DNAAF9: variants seen among roughly 807,000 people sequenced by gnomAD.
DNAAF9 encodes shulin.
Under a neutral mutation model 167.0 loss-of-function variants are expected in DNAAF9, and 90 were observed. The observed-to-expected ratio is 0.54, with a 90% CI of 0.45 to 0.64. DNAAF9 has a LOEUF of 0.64. DNAAF9 is among the 30% of genes least tolerant of loss of function. DNAAF9 has a pLI of 0.00. For synonymous variants in DNAAF9, 491 were observed against 508.8 expected, an observed-to-expected ratio of 0.96 and a Z score of 0.47; for missense variants, 1,315 against 1,442.2, an observed-to-expected ratio of 0.91 and a Z score of 1.43.
intron 14 of DNAAF9, 24 bp downstream of exon 14, chr20:3,324,868 T>TA (rs1349711879): frequency 2.3e-6 from 3 of 1,278,176 alleles, no homozygotes; most frequent in African/African-American, 1.5e-5. Flanking sequence ...AAATTCCTTA[T>TA]AAAAAATATC....
intron 27 of DNAAF9, among the ~76,000 whole-genome samples, chr20:3,285,428 C>T (rs2068834125): frequency 6.6e-6 from 1 of 152,106 alleles, no homozygotes; most frequent in Non-Finnish European, 1.5e-5. Context: ...CCTGTAATCC[C>T]AGCACTCTGG....
At chr20:3,306,807 A>C in intron 20 of DNAAF9, 5 of 593,348 alleles carry the variant, frequency 8.4e-6, no homozygotes, top group Non-Finnish European at 1.1e-5. Flanking sequence ...ATCAGCCCAC[A>C]GAGCTCATCC....
intron 30 of DNAAF9, among the ~76,000 whole-genome samples, chr20:3,270,179 C>G (rs1174099002): frequency 5.0e-5 from 7 of 140,028 alleles, no homozygotes; most frequent in Non-Finnish European, 1.1e-4. Flanking sequence ...CTTGCTCTGT[C>G]TCTCAGGCTG....
intron 25 of DNAAF9, among the ~76,000 whole-genome samples, chr20:3,291,045 T>A (rs2068942732): frequency 6.6e-6 from 1 of 152,054 alleles, no homozygotes; most frequent in South Asian, 2.1e-4. Flanking sequence ...CGCCTTGGCC[T>A]CCCAAAGTGC....
Position 3,362,737 on chromosome 20 carries a change from C to T in DNAAF9, c.613-3144G>A, listed in dbSNP as rs1002260417. ...GGGGAAGGAGAAGACAAATTCACCC[C>T]GACTGAGAACCACTGACTTAAACAT... On this transcript the variant is annotated intron_variant, in intron 6 of 36. Coordinates refer to ENST00000252032, the MANE Select transcript of DNAAF9 (RefSeq NM_001009984.3). Among the ~76,000 whole-genome samples, 5 of 152,278 alleles carry T rather than the reference C, an allele frequency of 3.3e-5. No homozygotes were observed. In the East Asian group the frequency reaches 5.8e-4, roughly 18 times the overall value.
At chr20:3,386,570 T>G (rs957362969) in intron 1 of DNAAF9, among the ~76,000 whole-genome samples, 1 of 152,146 alleles carries the variant, frequency 6.6e-6, no homozygotes, top group Non-Finnish European at 1.5e-5. Context: ...GTTCTTACAC[T>G]TGACACCAAA....
chr20:3,329,939 T>C (rs962924040), intron 12 of DNAAF9, among the ~76,000 whole-genome samples: 1 of 152,246 alleles, frequency 6.6e-6, no homozygotes, highest in African/African-American at 2.4e-5. Context: ...CCTCTCACTA[T>C]GTTCCATAGG....
chr20:3,328,192 T>TTTGTTTTGTTTTGTTTTG (rs1262154783), intron 12 of DNAAF9, among the ~76,000 whole-genome samples: 3 of 151,634 alleles, frequency 2.0e-5, no homozygotes, highest in East Asian at 3.9e-4. Flanking sequence ...TGTTTTTTTT[T>TTTGTTTTGTTTTGTTTTG]TTTTTTTGAG....
intron 6 of DNAAF9, among the ~76,000 whole-genome samples, chr20:3,363,841 A>G (rs1001251055): frequency 2.0e-5 from 3 of 152,146 alleles, no homozygotes; most frequent in Non-Finnish European, 2.9e-5. Flanking sequence ...CTTTAGCATT[A>G]TTCAATCTGC....
At chr20:3,306,683 C>T (rs2069301828) in intron 20 of DNAAF9, among the ~76,000 whole-genome samples, 1 of 152,108 alleles carries the variant, frequency 6.6e-6, no homozygotes, top group African/African-American at 2.4e-5. Context: ...CAATTCTCCC[C>T]TGTCCAAAGC....
chr20:3,351,328 AC>A, intron 7 of DNAAF9, among the ~76,000 whole-genome samples: 1 of 152,318 alleles, frequency 6.6e-6, no homozygotes, highest in Admixed American at 6.5e-5. Flanking sequence ...TACTAAAAAT[AC>A]AAAAATTAGC....
intron 21 of DNAAF9, 22 bp downstream of exon 21, chr20:3,304,418 C>A: frequency 9.3e-7 from 1 of 1,080,212 alleles, no homozygotes; most frequent in South Asian, 1.3e-5. Flanking sequence ...CCAAAAAAGC[C>A]ACTGACTAGT....
At chr20:3,325,011 A>G (rs755921630) in intron 13 of DNAAF9, 43 bp from the exon 14 acceptor site, 1 of 1,114,926 alleles carries the variant, frequency 9.0e-7, no homozygotes, top group Non-Finnish European at 1.4e-6. Context: ...TCACAGCAGG[A>G]AAAAGTACAC....
At chr20:3,254,182 A>T (rs959085008) in intron 35 of DNAAF9, among the ~76,000 whole-genome samples, 2 of 152,036 alleles carry the variant, frequency 1.3e-5, no homozygotes, top group African/African-American at 2.4e-5. Context: ...GGGTTCATGC[A>T]ATTCTCCTGC....
At chr20:3,382,810 A>C (rs951015634) in intron 1 of DNAAF9, among the ~76,000 whole-genome samples, 3 of 152,224 alleles carry the variant, frequency 2.0e-5, no homozygotes, top group Non-Finnish European at 4.4e-5. Context: ...GAAAGGATTA[A>C]GACTCAGCAG....
intron 1 of DNAAF9, 81 bp from the exon 2 acceptor site, chr20:3,382,587 G>A (rs1600898933): frequency 9.4e-7 from 1 of 1,067,332 alleles, no homozygotes; most frequent in East Asian, 2.4e-5. Context: ...CCACAATGGA[G>A]TCATGAGGAA....
chr20:3,332,900 G>GTGTGTGGTGTGTGTGT (rs1376871054), intron 10 of DNAAF9, among the ~76,000 whole-genome samples: 45 of 146,936 alleles, frequency 3.1e-4, no homozygotes, highest in African/African-American at 1.1e-3. Context: ...GTGTGCGTGT[G>GTGTGTGGTGTGTGTGT]GTGTGTGTGT....
At chr20:3,407,431 C>T (rs2084078759) in intron 1 of DNAAF9, 44 bp downstream of exon 1, 3 of 1,270,740 alleles carry the variant, frequency 2.4e-6, no homozygotes, top group Non-Finnish European at 2.0e-6. Context: ...CGACAGCCCG[C>T]ATCCCCCGCC....
intron 30 of DNAAF9, among the ~76,000 whole-genome samples, chr20:3,266,328 G>A (rs2068489264): frequency 6.6e-6 from 1 of 152,128 alleles, no homozygotes; most frequent in African/African-American, 2.4e-5. Context: ...AGTCTATGGA[G>A]TGGTACTTTA....
Sources: gnomAD v4.1 joint callset for allele counts (sites outside exome capture counted in the v4.1 genomes callset) on GRCh38, gnomAD v4.1.1 for gene constraint, MANE v1.5 for transcripts, NCBI Gene and HGNC (gene_info 2026-07-23, HGNC 2026-07-21) for gene names.